The following ATRNL1 variants were observed in gnomAD, a reference collection of about 807,000 sequenced individuals.
ATRNL1 encodes attractin like 1, also known as attractin-like protein 1.
ATRNL1 carries 95 observed loss-of-function variants against 182.7 expected under a neutral mutation model. The ratio of observed to expected loss-of-function variants is 0.52; its 90% CI spans 0.44 to 0.62. The LOEUF (loss-of-function observed/expected upper bound fraction) is 0.62. ATRNL1 is among the 20% of genes least tolerant of loss of function. The pLI is 0.00. For synonymous variants in ATRNL1, 576 were observed against 568.3 expected, an observed-to-expected ratio of 1.01 and a Z score of -0.19; for missense variants, 1,471 against 1,679.5, an observed-to-expected ratio of 0.88 and a Z score of 2.17.
intron 27 of ATRNL1, among the ~76,000 whole-genome samples, chr10:115,815,404 GGTGTGTGTGTATGTGT>G (rs1950138321): frequency 2.0e-5 from 2 of 97,958 alleles, no homozygotes; most frequent in South Asian, 4.1e-4. Flanking sequence ...ACTGGTATGT[GGTGTGTGTGTATGTGT>G]GTGTGTGTGT....
At chr10:115,919,770 G>A (rs1188612284) in intron 28 of ATRNL1, among the ~76,000 whole-genome samples, 10 of 152,108 alleles carry the variant, frequency 6.6e-5, no homozygotes, top group Non-Finnish European at 4.4e-5. Context: ...GAAGATCAAG[G>A]TGCTAGAAGA....
chr10:115,145,239 A>C (rs924947873), intron 5 of ATRNL1, among the ~76,000 whole-genome samples: 2 of 152,136 alleles, frequency 1.3e-5, no homozygotes, highest in Non-Finnish European at 2.9e-5. Flanking sequence ...GGTAGGATGG[A>C]AGATAAGTGA....
At chr10:115,846,273 A>G (rs1161097506) in intron 27 of ATRNL1, among the ~76,000 whole-genome samples, 1 of 152,076 alleles carries the variant, frequency 6.6e-6, no homozygotes, top group Admixed American at 6.6e-5. Context: ...ATTTTAAAAC[A>G]TGAGATTTAT....
At chr10:115,769,611 A>G (rs1294437153) in intron 27 of ATRNL1, among the ~76,000 whole-genome samples, 1 of 152,116 alleles carries the variant, frequency 6.6e-6, no homozygotes, top group African/African-American at 2.4e-5. Context: ...GATTGTGTGG[A>G]GAGAGGATAT....
chr10:115,700,333 C>A (rs1337412732), intron 26 of ATRNL1, among the ~76,000 whole-genome samples: 5 of 152,162 alleles, frequency 3.3e-5, no homozygotes, highest in African/African-American at 1.2e-4. Context: ...TTTTTCTCTG[C>A]AGCCTCACCA....
intron 26 of ATRNL1, among the ~76,000 whole-genome samples, chr10:115,628,677 C>A (rs11197357): frequency 0.33 from 49,960 of 152,016 alleles, 10,406 homozygotes; most frequent in Non-Finnish European, 0.47. Flanking sequence ...AGATTTATCT[C>A]TTTGTTTTCT....
At chr10:115,540,320 A>G (rs1554991627) in intron 25 of ATRNL1, among the ~76,000 whole-genome samples, 1 of 152,104 alleles carries the variant, frequency 6.6e-6, no homozygotes, top group Non-Finnish European at 1.5e-5. Flanking sequence ...CACTGACTCA[A>G]GAAGCACTTC....
intron 1 of ATRNL1, among the ~76,000 whole-genome samples, chr10:115,107,671 G>A (rs1171776263): frequency 2.0e-5 from 3 of 152,200 alleles, no homozygotes; most frequent in Admixed American, 1.3e-4. Flanking sequence ...GTCTGCTGCT[G>A]TAGCATCCTT....
At chr10:115,763,679 C>G (rs1216747316) in intron 27 of ATRNL1, among the ~76,000 whole-genome samples, 2 of 151,948 alleles carry the variant, frequency 1.3e-5, no homozygotes, top group Non-Finnish European at 2.9e-5. Flanking sequence ...GTGTGTGTGT[C>G]TGTTATATGT....
At position 115,382,205 on chromosome 10, in the gene ATRNL1, G is replaced by A. The variant is rs188890475; in HGVS notation, c.3176-12454G>A. Among the ~76,000 whole-genome samples, 472 of 152,128 alleles carry A rather than the reference G, an allele frequency of 3.1e-3. 1 individual carries two copies. The highest frequency in any genetic ancestry group is 0.014 in the Middle Eastern group (4 of 292). ...TCCTTGTAATTATATGTGTATTTTA[G>A]AATCAGCTTGTCATTTTCTACAAAG... On this transcript the variant is annotated intron_variant, in intron 19 of 28. Coordinates refer to ENST00000355044, the MANE Select transcript of ATRNL1 (RefSeq NM_207303.4).
chr10:115,163,026 G>C (rs557699505), intron 6 of ATRNL1, among the ~76,000 whole-genome samples: 17 of 151,626 alleles, frequency 1.1e-4, no homozygotes, highest in South Asian at 4.2e-4. Context: ...AATGGAAAGT[G>C]GGGTGGGGAT....
At chr10:115,933,845 C>T (rs1182097239) in intron 28 of ATRNL1, among the ~76,000 whole-genome samples, 6 of 152,144 alleles carry the variant, frequency 3.9e-5, no homozygotes, top group Non-Finnish European at 7.3e-5. Flanking sequence ...CTGTGTTCCC[C>T]ACCATCAGCC....
intron 21 of ATRNL1, among the ~76,000 whole-genome samples, chr10:115,459,305 ACCGCTAGTTAGC>A (rs1847679368): frequency 6.6e-6 from 1 of 152,160 alleles, no homozygotes. Context: ...TTAAACTCTG[ACCGCTAGTTAGC>A]CGGGCAGAAC....
At chr10:115,820,096 A>G (rs1950257399) in intron 27 of ATRNL1, 1 of 152,088 alleles carries the variant, frequency 6.6e-6, no homozygotes, top group African/African-American at 2.4e-5. Context: ...TTTATCATTT[A>G]TGTACATCCT....
chr10:115,569,512 C>A (rs1431763875), intron 26 of ATRNL1, among the ~76,000 whole-genome samples: 3 of 152,100 alleles, frequency 2.0e-5, no homozygotes, highest in Non-Finnish European at 4.4e-5. Context: ...ATTTTTGCTA[C>A]CTGCTAAGTG....
chr10:115,229,919 C>G (rs1447537196), intron 9 of ATRNL1, among the ~76,000 whole-genome samples: 1 of 152,060 alleles, frequency 6.6e-6, no homozygotes, highest in Non-Finnish European at 1.5e-5. Flanking sequence ...GAATTCCCTG[C>G]CTACCTGTGC....
At chr10:115,434,229 A>G (rs1198604406) in intron 21 of ATRNL1, among the ~76,000 whole-genome samples, 2 of 152,146 alleles carry the variant, frequency 1.3e-5, no homozygotes, top group Non-Finnish European at 2.9e-5. Flanking sequence ...AGCATTTAGT[A>G]AATAAAACAT....
At chr10:115,830,701 A>G (rs1211709694) in intron 27 of ATRNL1, among the ~76,000 whole-genome samples, 2 of 152,176 alleles carry the variant, frequency 1.3e-5, no homozygotes, top group Admixed American at 6.5e-5. Context: ...AGATGGAACC[A>G]CAAGCATTTG....
chr10:115,725,784 C>G (rs1437963006), intron 26 of ATRNL1, among the ~76,000 whole-genome samples: 5 of 152,122 alleles, frequency 3.3e-5, no homozygotes, highest in Non-Finnish European at 5.9e-5. Flanking sequence ...CATAGACATA[C>G]TATTCAGATC....
Sources: gnomAD v4.1 joint callset for allele counts (sites outside exome capture counted in the v4.1 genomes callset) on GRCh38, gnomAD v4.1.1 for gene constraint, MANE v1.5 for transcripts, NCBI Gene and HGNC (gene_info 2026-07-23, HGNC 2026-07-21) for gene names.